Variants in HMGA2 observed in about 807,000 individuals in gnomAD.
HMGA2 encodes the protein high mobility group protein HMGI-C.
Under a neutral mutation model 19.1 loss-of-function variants are expected in HMGA2, and 8 were observed. That is an observed-to-expected ratio of 0.42 (90% confidence interval 0.25 to 0.76). The LOEUF is 0.76. Among genes scored for constraint, HMGA2 ranks in the 30% least tolerant of loss-of-function variants. HMGA2 has a pLI of 0.28. For synonymous variants in HMGA2, 60 were observed against 48.8 expected (o/e 1.23, Z -0.96); for missense variants, 109 against 136.3 (o/e 0.80, Z 1.00).
intron 1 of HMGA2, 150 bp from the exon 2 acceptor site, chr12:65,827,851 T>G (rs1017421446): frequency 1.4e-6 from 1 of 695,066 alleles, no homozygotes; most frequent in African/African-American, 1.8e-5. Context: ...TTCTGTAAAC[T>G]CTGTACCATC....
chr12:65,918,193 TG>T (rs1875178312), intron 3 of HMGA2, among the ~76,000 whole-genome samples: 1 of 152,222 alleles, frequency 6.6e-6, no homozygotes, highest in African/African-American at 2.4e-5. Flanking sequence ...TGGGTCAAAA[TG>T]ATTTGAAATA....
intron 3 of HMGA2, among the ~76,000 whole-genome samples, chr12:65,939,838 CA>C (rs1379983938): frequency 1.3e-5 from 2 of 152,110 alleles, no homozygotes; most frequent in Non-Finnish European, 2.9e-5. Context: ...GAGATTTCTT[CA>C]GTAGAAAGCC....
chr12:65,947,145 A>G (rs1876295457), intron 3 of HMGA2, among the ~76,000 whole-genome samples: 1 of 150,656 alleles, frequency 6.6e-6, no homozygotes, highest in African/African-American at 2.4e-5. Flanking sequence ...TTTGAGGCAG[A>G]GTCTTGCTCC....
chr12:65,914,729 C>G (rs1346259952), intron 3 of HMGA2: 2 of 341,690 alleles, frequency 5.9e-6, no homozygotes, highest in Non-Finnish European at 1.1e-5. Flanking sequence ...GGCTGGAGTG[C>G]AGTGGTACAA....
chr12:65,886,954 G>A (rs1474711668), intron 3 of HMGA2, among the ~76,000 whole-genome samples: 1 of 152,146 alleles, frequency 6.6e-6, no homozygotes, highest in Admixed American at 6.5e-5. Flanking sequence ...AAGTAAGCAA[G>A]ACTTGAACTA....
At chr12:65,900,019 T>C (rs1291669061) in intron 3 of HMGA2, among the ~76,000 whole-genome samples, 2 of 152,350 alleles carry the variant, frequency 1.3e-5, no homozygotes, top group East Asian at 3.9e-4. Flanking sequence ...TTTGTACTTT[T>C]AAAATCTTTA....
At chr12:65,880,584 G>T (rs1054621404) in intron 3 of HMGA2, among the ~76,000 whole-genome samples, 3 of 152,182 alleles carry the variant, frequency 2.0e-5, no homozygotes, top group Non-Finnish European at 4.4e-5. Flanking sequence ...AGGTCACACA[G>T]CAGGTAGCAT....
chr12:65,889,069 T>C (rs904472300), intron 3 of HMGA2, among the ~76,000 whole-genome samples: 7 of 152,178 alleles, frequency 4.6e-5, no homozygotes, highest in Non-Finnish European at 8.8e-5. Context: ...CACCCTACTC[T>C]TACCCACAAA....
At chr12:65,888,837 A>G (rs1007487912) in intron 3 of HMGA2, among the ~76,000 whole-genome samples, 2 of 149,142 alleles carry the variant, frequency 1.3e-5, no homozygotes, top group African/African-American at 4.9e-5. Context: ...TGCTGGGATT[A>G]CAGGTGTGAG....
rs995381908 is a variant in HMGA2 at position 65,849,781 on chromosome 12, C to T, written c.249+11212C>T. ...TTTTTGAGGCTGGAGTGCAATGGCGCGATCCTGGCTTACTGCAACCTCCGC... is the reference window on the plus strand; with the variant it reads ...TTTTTGAGGCTGGAGTGCAATGGCGTGATCCTGGCTTACTGCAACCTCCGC... On this transcript the variant is annotated intron_variant, in intron 3 of 4. Coordinates refer to ENST00000403681, the MANE Select transcript of HMGA2 (RefSeq NM_003483.6). 8.5e-5 allele frequency among the ~76,000 whole-genome samples: 11 copies of T among 129,080 alleles called. No homozygotes were observed. The South Asian group carries it at 2.7e-3, about 32-fold the overall frequency. 84.7% of individuals were successfully genotyped at this position (129,080 alleles called of 152,430 possible).
At chr12:65,840,897 C>T (rs2120884722) in intron 3 of HMGA2, among the ~76,000 whole-genome samples, 1 of 152,284 alleles carries the variant, frequency 6.6e-6, no homozygotes, top group East Asian at 1.9e-4. Context: ...TTAACTCTCT[C>T]AGCCTTTCAT....
intron 4 of HMGA2, among the ~76,000 whole-genome samples, chr12:65,960,739 T>C (rs1876729553): frequency 6.6e-6 from 1 of 152,218 alleles, no homozygotes; most frequent in Admixed American, 6.5e-5. Context: ...CAGTACTAAC[T>C]GATAGTTACT....
chr12:65,911,652 G>A lies in HMGA2; in HGVS notation c.250-39731G>A, dbSNP rs145941379. On this transcript the variant is annotated intron_variant, in intron 3 of 4. Coordinates refer to ENST00000403681, the MANE Select transcript of HMGA2 (RefSeq NM_003483.6). Reference sequence around the variant, plus strand: ...TATTCCAAAAGCCAATCCTCCTAATGAGCATTCGGTCATTAGAATTTTCAT... The same window carrying A: ...TATTCCAAAAGCCAATCCTCCTAATAAGCATTCGGTCATTAGAATTTTCAT... Among the ~76,000 whole-genome samples, 20 of 152,176 alleles carry A rather than the reference G, an allele frequency of 1.3e-4. No homozygotes were observed. The East Asian group carries it at 3.5e-3, about 26-fold the overall frequency.
chr12:65,927,970 T>C (rs982109237), intron 3 of HMGA2, among the ~76,000 whole-genome samples: 3 of 148,950 alleles, frequency 2.0e-5, no homozygotes, highest in Non-Finnish European at 4.5e-5. Context: ...TATATATGTA[T>C]GTATGTATAT....
intron 3 of HMGA2, chr12:65,851,502 C>T (rs1236038334): frequency 3.5e-5 from 10 of 287,542 alleles, no homozygotes; most frequent in South Asian, 1.9e-4. Flanking sequence ...GTGACAAGAG[C>T]GAAACTCCAT....
chr12:65,952,219 T>C (rs900057301), intron 4 of HMGA2: 3 of 639,038 alleles, frequency 4.7e-6, no homozygotes, highest in South Asian at 4.0e-5. Flanking sequence ...GGTATCATGC[T>C]GAACCTGCTA....
intron 3 of HMGA2, among the ~76,000 whole-genome samples, chr12:65,941,558 C>T (rs1876092926): frequency 6.6e-6 from 1 of 152,116 alleles, no homozygotes; most frequent in African/African-American, 2.4e-5. Context: ...AGATATGACT[C>T]AGTTAAGTAT....
intron 3 of HMGA2, chr12:65,858,963 A>G (rs767008202): frequency 7.2e-5 from 11 of 152,194 alleles, no homozygotes; most frequent in Non-Finnish European, 1.0e-4. Flanking sequence ...GCCACCCTTG[A>G]CCTTTTGGAG....
intron 3 of HMGA2, among the ~76,000 whole-genome samples, chr12:65,884,465 C>A (rs1264943746): frequency 6.6e-6 from 1 of 152,156 alleles, no homozygotes; most frequent in Non-Finnish European, 1.5e-5. Flanking sequence ...CCAAATTGTG[C>A]CTGGTCAATT....
Sources: gnomAD v4.1 joint callset for allele counts (sites outside exome capture counted in the v4.1 genomes callset) on GRCh38, gnomAD v4.1.1 for gene constraint, MANE v1.5 for transcripts, NCBI Gene and HGNC (gene_info 2026-07-23, HGNC 2026-07-21) for gene names.